The following TNFRSF13B variants were observed in gnomAD, a reference collection of about 807,000 sequenced individuals.
The protein encoded by TNFRSF13B is TNF receptor superfamily member 13B.
Under a neutral mutation model 24.0 loss-of-function variants are expected in TNFRSF13B, and 34 were observed. The observed-to-expected ratio is 1.41, with a 90% CI of 1.08 to 1.88. The LOEUF is 1.88. Ranked by LOEUF, TNFRSF13B falls within the 40% of genes most tolerant of loss-of-function variation. TNFRSF13B has a pLI of 0.00. For missense variants in TNFRSF13B, 415 were observed against 380.8 expected (o/e 1.09, Z -0.75); for synonymous variants, 173 against 150.3 (o/e 1.15, Z -1.10).
rs771332658 is a variant in TNFRSF13B, at chr17:16,940,373, C to A, written c.584G>T (p.Cys195Phe). 3.7e-6 allele frequency: 6 copies of A among 1,613,876 alleles called. 1 individual carries two copies. The Admixed American group carries it at 1.0e-4, about 27-fold the overall frequency. The change falls in exon 4 of 5, where the codon TGC becomes TTC. Residue 195 changes from cysteine (C) to phenylalanine (F), a missense_variant. Coordinates refer to ENST00000261652, the MANE Select transcript of TNFRSF13B (RefSeq NM_012452.3). ...FLKKRGDPCS[C>F]QPRSRPRQSP... ...TTGACGGGGCCTTGAGCGGGGCTGG[C>A]AGGAGCAGGGATCCCCCCTCTTCTT...
chr17:16,942,606 T>G (rs1170587215), intron 3 of TNFRSF13B, among the ~76,000 whole-genome samples: 1 of 152,018 alleles, frequency 6.6e-6, no homozygotes, highest in African/African-American at 2.4e-5. Context: ...TATTCACCTC[T>G]CAAATCAAAT....
intron 1 of TNFRSF13B, among the ~76,000 whole-genome samples, chr17:16,966,472 C>A (rs1182614522): frequency 6.6e-6 from 1 of 152,170 alleles, no homozygotes; most frequent in East Asian, 1.9e-4. Context: ...GGAAATACAA[C>A]ATAAGGATGC....
intron 3 of TNFRSF13B, 146 bp downstream of exon 3, chr17:16,948,592 C>T: frequency 8.5e-7 from 1 of 1,170,992 alleles, no homozygotes; most frequent in South Asian, 1.3e-5. Flanking sequence ...TTTTTTTTAT[C>T]CTGGGATGAT....
intron 1 of TNFRSF13B, among the ~76,000 whole-genome samples, chr17:16,959,833 T>A (rs67001256): frequency 0.12 from 18,819 of 151,996 alleles, 1,275 homozygotes; most frequent in East Asian, 0.22. Flanking sequence ...ATCAGAAACC[T>A]ACCAGTGACA....
At position 16,952,416 on chromosome 17, in the gene TNFRSF13B, T is replaced by C. The variant is rs373802206; in HGVS notation, c.199+30A>G. ...GGAGAAAGGAGGAGGGTGATCACAC[T>C]GTCCCCTCGGCTCAGGCCCCAGAAC... On this transcript the variant is annotated intron_variant, in intron 2 of 4. Coordinates refer to ENST00000261652, the MANE Select transcript of TNFRSF13B (RefSeq NM_012452.3). The C allele has an allele frequency of 1.9e-6, 3 of 1,613,618 alleles. No individual in the cohort carries two copies. The African/African-American group carries it at 4.0e-5, about 22-fold the overall frequency.
At chr17:16,964,877 G>A (rs1162124989) in intron 1 of TNFRSF13B, among the ~76,000 whole-genome samples, 1 of 152,042 alleles carries the variant, frequency 6.6e-6, no homozygotes, top group Non-Finnish European at 1.5e-5. Context: ...AAGGACTCTG[G>A]CTGTGCACAA....
intron 3 of TNFRSF13B, among the ~76,000 whole-genome samples, chr17:16,946,747 C>A (rs913236585): frequency 6.6e-6 from 1 of 151,924 alleles, no homozygotes; most frequent in Non-Finnish European, 1.5e-5. Flanking sequence ...ACCACCAGAT[C>A]CAGCTAATTT....
At chr17:16,961,449 A>G (rs2087661980) in intron 1 of TNFRSF13B, among the ~76,000 whole-genome samples, 1 of 152,246 alleles carries the variant, frequency 6.6e-6, no homozygotes, top group Admixed American at 6.5e-5. Context: ...CAATGTGGAT[A>G]AACTTTGAAG....
intron 1 of TNFRSF13B, among the ~76,000 whole-genome samples, chr17:16,957,959 G>T (rs944851430): frequency 6.6e-6 from 1 of 152,010 alleles, no homozygotes; most frequent in African/African-American, 2.4e-5. Context: ...ATAAAAGCCA[G>T]AATTATTTTA....
At chr17:16,952,619 G>A (rs371435183) in intron 1 of TNFRSF13B, 36 bp from the exon 2 acceptor site, 128 of 1,613,798 alleles carry the variant, frequency 7.9e-5, no homozygotes, top group South Asian at 1.2e-4. Context: ...GCTGGCAGGC[G>A]GCCACAGCCC....
At chr17:16,949,261 GT>G (rs1158626480) in intron 2 of TNFRSF13B, among the ~76,000 whole-genome samples, 1 of 152,006 alleles carries the variant, frequency 6.6e-6, no homozygotes, top group Non-Finnish European at 1.5e-5. Context: ...TGACCTATGG[GT>G]TATTTACAAG....
chr17:16,952,652 C>A (rs1163874548), intron 1 of TNFRSF13B, 69 bp from the exon 2 acceptor site: 2 of 1,608,574 alleles, frequency 1.2e-6, no homozygotes, highest in East Asian at 2.2e-5. Flanking sequence ...CTGATGGGAA[C>A]CAAGACGGCC....
At position 16,939,477 on chromosome 17, in the gene TNFRSF13B, T is replaced by A; in HGVS notation, c.*70A>T. On this transcript the variant is annotated 3_prime_UTR_variant, in exon 5 of 5. Coordinates refer to ENST00000261652, the MANE Select transcript of TNFRSF13B (RefSeq NM_012452.3). The stretch of plus-strand genomic sequence containing the variant: ...TCTCTCCTCATATCTCTCTCCCCTC[T>A]CCCCACCTCTCTTTCTCTCTCCCCT... The A allele has an allele frequency of 6.6e-7, 1 of 1,503,888 alleles. No homozygotes were observed. The highest frequency in any genetic ancestry group is 9.0e-7 in the Non-Finnish European group (1 of 1,109,564). The allele number at this position is 1,503,888 out of a possible 1,614,324, so 93.2% of individuals were successfully genotyped here.
At chr17:16,951,394 GGAAAA>G (rs2087587745) in intron 2 of TNFRSF13B, among the ~76,000 whole-genome samples, 1 of 152,154 alleles carries the variant, frequency 6.6e-6, no homozygotes, top group Non-Finnish European at 1.5e-5. Flanking sequence ...GTTCTATCAA[GGAAAA>G]GAACAGGTTA....
At chr17:16,948,607 C>T (rs984519332) in intron 3 of TNFRSF13B, 131 bp downstream of exon 3, 1 of 1,306,282 alleles carries the variant, frequency 7.7e-7, no homozygotes, top group East Asian at 2.3e-5. Flanking sequence ...GATGATCTCC[C>T]TGGCTTCTGG....
chr17:16,947,863 A>G (rs2087559753), intron 3 of TNFRSF13B, among the ~76,000 whole-genome samples: 1 of 152,250 alleles, frequency 6.6e-6, no homozygotes, highest in Admixed American at 6.5e-5. Flanking sequence ...ATCCAAAGGA[A>G]AATAAACCGT....
chr17:16,968,634 T>C (rs2087722058), intron 1 of TNFRSF13B, among the ~76,000 whole-genome samples: 1 of 152,202 alleles, frequency 6.6e-6, no homozygotes, highest in Non-Finnish European at 1.5e-5. Flanking sequence ...GAAGTAAATC[T>C]TCATGATTTG....
At chr17:16,942,275 G>C (rs1223562299) in intron 3 of TNFRSF13B, among the ~76,000 whole-genome samples, 1 of 152,200 alleles carries the variant, frequency 6.6e-6, no homozygotes, top group Non-Finnish European at 1.5e-5. Flanking sequence ...CCGGGAGCCG[G>C]TCTCACCAAT....
chr17:16,971,154 C>A (rs887887032), intron 1 of TNFRSF13B, among the ~76,000 whole-genome samples: 12 of 152,234 alleles, frequency 7.9e-5, no homozygotes, highest in Non-Finnish European at 1.6e-4. Context: ...TTGAGATCAG[C>A]CTGGCCAACG....
Sources: gnomAD v4.1 joint callset for allele counts (sites outside exome capture counted in the v4.1 genomes callset) on GRCh38, gnomAD v4.1.1 for gene constraint, MANE v1.5 for transcripts, NCBI Gene and HGNC (gene_info 2026-07-23, HGNC 2026-07-21) for gene names.